The following MMP16 variants were observed in gnomAD, a reference collection of about 807,000 sequenced individuals.
MMP16 encodes the protein matrix metalloproteinase-16.
Under a neutral mutation model 67.8 loss-of-function variants are expected in MMP16, and 12 were observed. The ratio of observed to expected loss-of-function variants is 0.18; its 90% CI spans 0.11 to 0.29. The LOEUF (loss-of-function observed/expected upper bound fraction) is 0.29. Among genes scored for constraint, MMP16 ranks in the 10% least tolerant of loss-of-function variants. The pLI is 1.00. For missense variants in MMP16, 475 were observed against 765.7 expected (o/e 0.62, Z 4.48); for synonymous variants, 249 against 255.9 (o/e 0.97, Z 0.26).
chr8:88,098,796 T>C (rs1198672901), intron 6 of MMP16, among the ~76,000 whole-genome samples: 1 of 151,872 alleles, frequency 6.6e-6, no homozygotes, highest in Admixed American at 6.6e-5. Flanking sequence ...TTTGTAAGTA[T>C]GTAAGAAAAG....
chr8:88,176,881 T>G (rs894460587), intron 3 of MMP16, among the ~76,000 whole-genome samples: 1 of 152,200 alleles, frequency 6.6e-6, no homozygotes, highest in African/African-American at 2.4e-5. Context: ...CTCCTTGGCC[T>G]TCACTGTTCC....
rs75991169 is a variant in MMP16 at position 88,141,462 on chromosome 8, T to A, written c.710-22601A>T. ...ATGTGGATAGCTTCGAGTGGTTGAA[T>A]CTGTGTGCCTGCTGTGCAGCCATCC... On this transcript the variant is annotated intron_variant, in intron 4 of 9. Coordinates refer to ENST00000286614, the MANE Select transcript of MMP16 (RefSeq NM_005941.5). Among the ~76,000 whole-genome samples, 1,202 of 152,288 alleles carry A rather than the reference T, an allele frequency of 7.9e-3. 22 individuals carry two copies. The highest frequency in any genetic ancestry group is 0.027 in the African/African-American group (1,136 of 41,562).
intron 1 of MMP16, among the ~76,000 whole-genome samples, chr8:88,239,307 A>AAG (rs1254740135): frequency 1.3e-5 from 2 of 151,462 alleles, no homozygotes; most frequent in South Asian, 2.1e-4. Context: ...AAAAAAAAAA[A>AAG]AAAAAAAGAA....
chr8:88,156,753 A>G (rs776776842), intron 4 of MMP16, among the ~76,000 whole-genome samples: 17 of 152,082 alleles, frequency 1.1e-4, no homozygotes, highest in Non-Finnish European at 1.6e-4. Context: ...TAAAGGGATG[A>G]AATTTGAAAC....
chr8:88,144,419 A>C (rs1346813038), intron 4 of MMP16, among the ~76,000 whole-genome samples: 1 of 151,906 alleles, frequency 6.6e-6, no homozygotes, highest in Non-Finnish European at 1.5e-5. Context: ...TATACATGAT[A>C]TGAAGTATCC....
intron 1 of MMP16, among the ~76,000 whole-genome samples, chr8:88,270,855 A>G (rs1585990811): frequency 2.0e-5 from 3 of 152,344 alleles, no homozygotes; most frequent in South Asian, 4.1e-4. Flanking sequence ...CAACAGATCT[A>G]GAAAGAACTG....
At chr8:88,114,595 G>A (rs2118422842) in intron 6 of MMP16, among the ~76,000 whole-genome samples, 1 of 152,042 alleles carries the variant, frequency 6.6e-6, no homozygotes, top group Middle Eastern at 3.4e-3. Flanking sequence ...AAAACAAAAA[G>A]TATGAAATTA....
intron 1 of MMP16, among the ~76,000 whole-genome samples, chr8:88,257,884 TA>T (rs1810328440): frequency 6.6e-6 from 1 of 152,202 alleles, no homozygotes; most frequent in South Asian, 2.1e-4. Context: ...AAGGCAATAG[TA>T]AGGTCAGTTG....
intron 9 of MMP16, among the ~76,000 whole-genome samples, chr8:88,043,507 T>G (rs912784720): frequency 6.6e-6 from 1 of 152,166 alleles, no homozygotes; most frequent in East Asian, 1.9e-4. Context: ...AGTCTCAAAC[T>G]CCCGACCTCG....
chr8:88,056,107 T>C (rs1808328900), intron 8 of MMP16, 21 bp downstream of exon 8: 1 of 1,433,286 alleles, frequency 7.0e-7, no homozygotes, highest in Non-Finnish European at 9.2e-7. Flanking sequence ...ACTGTTTTTC[T>C]CATGAGAAGT....
chr8:88,225,663 G>GCA (rs144526980), intron 1 of MMP16, among the ~76,000 whole-genome samples: 50 of 150,154 alleles, frequency 3.3e-4, no homozygotes, highest in Admixed American at 8.0e-4. Context: ...ACAATAACAG[G>GCA]CACACACACA....
intron 4 of MMP16, among the ~76,000 whole-genome samples, chr8:88,130,350 A>G (rs1808007361): frequency 6.6e-6 from 1 of 151,774 alleles, no homozygotes; most frequent in African/African-American, 2.4e-5. Context: ...TTTAAAACAT[A>G]TTTCAGCATC....
chr8:88,232,333 C>T (rs921037764), intron 1 of MMP16, among the ~76,000 whole-genome samples: 3 of 152,044 alleles, frequency 2.0e-5, no homozygotes, highest in Admixed American at 6.6e-5. Flanking sequence ...AATCTCCCAA[C>T]GGGTCAGGGA....
intron 4 of MMP16, among the ~76,000 whole-genome samples, chr8:88,163,020 G>C (rs932283702): frequency 2.6e-5 from 4 of 151,906 alleles, no homozygotes; most frequent in Non-Finnish European, 5.9e-5. Context: ...AATTTTGTAG[G>C]CCTCTAAGAA....
chr8:88,167,670 A>G lies in MMP16; in HGVS notation c.708T>C (p.Asp236=), dbSNP rs764080177. The G allele has an allele frequency of 6.2e-7, 1 of 1,605,834 alleles. No individual in the cohort carries two copies. The highest frequency in any genetic ancestry group is 2.2e-5 in the East Asian group (1 of 44,754). ...ACTGTAAAACAAACATGTACTTACC[A>G]TCATGATTAGGATTTCCTAGTGTCC... ...EPWTLGNPNH[D]GNDLFLVAVH... Residue 236 remains aspartate, a splice_region_variant and synonymous_variant, in exon 4 of 10, where the codon GAT becomes GAC. Transcript: ENST00000286614.
Position 88,142,071 on chromosome 8 carries a change from AT to A in MMP16, c.710-23211del, listed in dbSNP as rs35903249. ...TAGCTGGGACTTAGGCGCACAGCTAATTTTTTTTTTTGTATTTTAGTAGAGA... is the reference window on the plus strand; with the variant it reads ...TAGCTGGGACTTAGGCGCACAGCTAATTTTTTTTTTGTATTTTAGTAGAGA... On this transcript the variant is annotated intron_variant, in intron 4 of 9. Transcript: ENST00000286614. Among the ~76,000 whole-genome samples the A allele has an allele frequency of 7.5e-3, 1,098 of 146,462 alleles. 19 individuals are homozygous for A. Among genetic ancestry groups the A allele is most frequent in the African/African-American group, 0.025 (1,015 of 40,162 alleles).
At chr8:88,186,274 G>A (rs1485888163) in intron 3 of MMP16, 2 of 453,624 alleles carry the variant, frequency 4.4e-6, no homozygotes, top group Non-Finnish European at 7.5e-6. Flanking sequence ...TTACAAAAGA[G>A]CCCAAGTGTC....
intron 8 of MMP16, among the ~76,000 whole-genome samples, chr8:88,054,992 G>A (rs973878478): frequency 1.3e-5 from 2 of 152,012 alleles, no homozygotes; most frequent in Non-Finnish European, 2.9e-5. Flanking sequence ...GCAGACTTAA[G>A]TCATCCTACA....
chr8:88,292,828 A>G (rs976421947), intron 1 of MMP16, among the ~76,000 whole-genome samples: 1 of 152,240 alleles, frequency 6.6e-6, no homozygotes, highest in African/African-American at 2.4e-5. Context: ...AAAAAATAAC[A>G]AAAACCTATA....
Sources: allele counts gnomAD v4.1 joint callset (sites outside exome capture counted in the v4.1 genomes callset), GRCh38; gene constraint gnomAD v4.1.1; transcripts MANE v1.5; gene names NCBI Gene and HGNC (gene_info 2026-07-23, HGNC 2026-07-21).